The following SCAI variants were observed in gnomAD, a reference collection of about 807,000 sequenced individuals.
SCAI encodes the protein suppressor of cancer cell invasion.
SCAI carries 24 observed loss-of-function variants against 92.2 expected under a neutral mutation model. The observed-to-expected ratio is 0.26, with a 90% CI of 0.19 to 0.37. The LOEUF is 0.37. Ranked by LOEUF, SCAI falls within the 10% of genes least tolerant of loss-of-function variation. The probability of loss-of-function intolerance (pLI) is 1.00; values close to 1 mark genes in which losing one functional copy is unlikely to be tolerated. For missense variants in SCAI, 450 were observed against 736.2 expected (o/e 0.61, Z 4.50); for synonymous variants, 261 against 258.6 (o/e 1.01, Z -0.09).
At chr9:125,127,676 G>A (rs910595847) in intron 2 of SCAI, among the ~76,000 whole-genome samples, 10 of 152,164 alleles carry the variant, frequency 6.6e-5, no homozygotes, top group Non-Finnish European at 1.3e-4. Context: ...AAGTAATATT[G>A]GTGGTTTCAA....
rs1831193994 is a variant in SCAI at position 124,948,962 on chromosome 9, T to C, written c.*3845A>G. 1 of 152,254 alleles carries C rather than the reference T, an allele frequency of 6.6e-6. No homozygotes were observed. The highest frequency in any genetic ancestry group is 2.4e-5 in the African/African-American group (1 of 41,472). The allele number at this position is 152,254 out of a possible 1,614,324, so 9.4% of individuals were successfully genotyped here. A position where few individuals can be genotyped will look rare whatever the true frequency, so the allele number is the denominator to read the frequency against. On this transcript the variant is annotated 3_prime_UTR_variant, in exon 18 of 18. Coordinates refer to ENST00000336505, the MANE Select transcript of SCAI (RefSeq NM_001144877.3). ...TTTAAAAAATGAAATTCTTTGCCAC[T>C]ATCATCAGCTCAAGCCCATTGGGCA... is the stretch of plus-strand genomic sequence containing the variant.
intron 2 of SCAI, among the ~76,000 whole-genome samples, chr9:125,120,819 C>T (rs1213413815): frequency 6.6e-6 from 1 of 151,762 alleles, no homozygotes; most frequent in African/African-American, 2.4e-5. Flanking sequence ...GAGGTAGAGG[C>T]TGCAGTGTGC....
At position 125,034,303 on chromosome 9, in the gene SCAI, A is replaced by T. The variant is rs903303838; in HGVS notation, c.231-4564T>A. On this transcript the variant is annotated intron_variant, in intron 3 of 17. Transcript: ENST00000336505. ...TGTTAGTCTCCCAGGGTAGGAGAAG[A>T]GGCAAAAGGTAAGATCTGGAAGGGC... 2.6e-5 allele frequency among the ~76,000 whole-genome samples: 4 copies of T among 152,304 alleles called. No homozygotes were observed. The East Asian group carries it at 7.7e-4, about 29-fold the overall frequency.
At position 124,950,185 on chromosome 9, in the gene SCAI, G is replaced by A. The variant is rs1287229563; in HGVS notation, c.*2622C>T. The stretch of plus-strand genomic sequence containing the variant: ...TATGACTTACAAAAGAAAAGGTTGT[G>A]TACACTACAAACAGGGTAAATAGTT... On this transcript the variant is annotated 3_prime_UTR_variant, in exon 18 of 18. Coordinates refer to ENST00000336505, the MANE Select transcript of SCAI (RefSeq NM_001144877.3). The A allele has an allele frequency of 6.6e-6, 1 of 152,052 alleles. No homozygotes were observed. The highest frequency in any genetic ancestry group is 1.5e-5 in the Non-Finnish European group (1 of 68,008). The allele number at this position is 152,052 out of a possible 1,614,324, so 9.4% of individuals were successfully genotyped here.
intron 2 of SCAI, among the ~76,000 whole-genome samples, chr9:125,111,486 A>C (rs1366389643): frequency 6.6e-6 from 1 of 152,216 alleles, no homozygotes; most frequent in African/African-American, 2.4e-5. Flanking sequence ...CACGCAACCC[A>C]GGATGGCTTT....
At chr9:125,106,381 T>C (rs1662131950) in intron 2 of SCAI, among the ~76,000 whole-genome samples, 1 of 151,536 alleles carries the variant, frequency 6.6e-6, no homozygotes, top group Admixed American at 6.6e-5. Context: ...GGGATCTAGT[T>C]TGACAGCTCC....
intron 2 of SCAI, among the ~76,000 whole-genome samples, chr9:125,124,980 G>T (rs1835230331): frequency 6.6e-6 from 1 of 151,884 alleles, no homozygotes; most frequent in South Asian, 2.1e-4. Context: ...CAACACTTTG[G>T]GAGGCCAAGG....
chr9:124,985,547 A>C (rs1162855981), intron 14 of SCAI, among the ~76,000 whole-genome samples: 1 of 152,212 alleles, frequency 6.6e-6, no homozygotes, highest in Non-Finnish European at 1.5e-5. Context: ...AGGATGTCTC[A>C]AACAGCAAAA....
intron 14 of SCAI, among the ~76,000 whole-genome samples, chr9:124,987,095 C>T (rs971891143): frequency 8.6e-5 from 13 of 152,022 alleles, no homozygotes; most frequent in Admixed American, 3.3e-4. Flanking sequence ...TGCAGTGGTG[C>T]GATCTCGGCT....
At chr9:125,046,341 A>ATGTGTGTGTGTG (rs139304609) in intron 3 of SCAI, among the ~76,000 whole-genome samples, 1 of 80,406 alleles carries the variant, frequency 1.2e-5, no homozygotes, top group African/African-American at 4.8e-5. Flanking sequence ...ACATATATAT[A>ATGTGTGTGTGTG]TGTGTGTGTG....
At chr9:125,136,499 C>T (rs139399084) in intron 2 of SCAI, among the ~76,000 whole-genome samples, 2,916 of 105,168 alleles carry the variant, frequency 0.028, 117 homozygotes, top group African/African-American at 0.099. Flanking sequence ...CTCGCTTTGT[C>T]GCCCAGGCTG....
At chr9:125,016,080 A>G (rs1440708802) in intron 9 of SCAI, among the ~76,000 whole-genome samples, 1 of 150,642 alleles carries the variant, frequency 6.6e-6, no homozygotes, top group Non-Finnish European at 1.5e-5. Context: ...ACCGAATGCT[A>G]AAAGACGAGT....
chr9:125,120,987 A>C (rs775536592), intron 2 of SCAI, among the ~76,000 whole-genome samples: 66 of 152,198 alleles, frequency 4.3e-4, no homozygotes, highest in Non-Finnish European at 7.8e-4. Flanking sequence ...AAAATTAAAT[A>C]CAGAGTTGGA....
intron 2 of SCAI, among the ~76,000 whole-genome samples, chr9:125,062,284 C>T (rs561946318): frequency 3.8e-4 from 58 of 151,656 alleles, no homozygotes; most frequent in South Asian, 1.3e-3. Context: ...CCACCATGCT[C>T]GGCTAATTTT....
At chr9:125,118,132 T>C (rs371162228) in intron 2 of SCAI, among the ~76,000 whole-genome samples, 13 of 151,438 alleles carry the variant, frequency 8.6e-5, no homozygotes, top group African/African-American at 2.9e-4. Flanking sequence ...AAAAAACACA[T>C]AGTGAACTAA....
At chr9:125,128,952 A>C (rs979319239) in intron 2 of SCAI, among the ~76,000 whole-genome samples, 2 of 151,808 alleles carry the variant, frequency 1.3e-5, no homozygotes, top group Non-Finnish European at 2.9e-5. Flanking sequence ...AATCCCAGCT[A>C]TTCGGGAGAC....
intron 2 of SCAI, among the ~76,000 whole-genome samples, chr9:125,108,849 C>G (rs1015972810): frequency 2.0e-5 from 3 of 152,222 alleles, no homozygotes; most frequent in Non-Finnish European, 4.4e-5. Flanking sequence ...ACCACCCCGT[C>G]TGGGAGGTGT....
chr9:125,132,837 C>T (rs1405179035), intron 2 of SCAI, among the ~76,000 whole-genome samples: 2 of 152,032 alleles, frequency 1.3e-5, no homozygotes, highest in Non-Finnish European at 2.9e-5. Context: ...TGGTGGCACG[C>T]GCCTGTAATC....
At chr9:125,071,343 G>A (rs1037691882) in intron 2 of SCAI, among the ~76,000 whole-genome samples, 4 of 152,106 alleles carry the variant, frequency 2.6e-5, no homozygotes, top group African/African-American at 7.2e-5. Flanking sequence ...AGGCTGCAAT[G>A]AACATGACTG....
Sources: gnomAD v4.1 joint callset for allele counts (sites outside exome capture counted in the v4.1 genomes callset) on GRCh38, gnomAD v4.1.1 for gene constraint, MANE v1.5 for transcripts, NCBI Gene and HGNC (gene_info 2026-07-23, HGNC 2026-07-21) for gene names.